Variants in SIK3 observed in about 807,000 individuals in gnomAD.
The protein encoded by SIK3 is serine/threonine-protein kinase SIK3.
In SIK3, 28 loss-of-function variants were observed where a neutral mutation model predicts 144.2. The observed-to-expected ratio is 0.19, with a 90% CI of 0.14 to 0.27. The LOEUF (loss-of-function observed/expected upper bound fraction) is 0.27, where lower values mean the gene tolerates loss of function less well. Ranked by LOEUF, SIK3 falls within the 10% of genes least tolerant of loss-of-function variation. The probability of loss-of-function intolerance (pLI) is 1.00; values close to 1 mark genes in which losing one functional copy is unlikely to be tolerated. For synonymous variants in SIK3, 686 were observed against 676.3 expected (o/e 1.01, Z -0.22); for missense variants, 1,319 against 1,776.0 (o/e 0.74, Z 4.62).
At chr11:117,033,729 GAAAAGAAAAGAAAAA>G (rs1358109876) in intron 1 of SIK3, among the ~76,000 whole-genome samples, 3 of 132,660 alleles carry the variant, frequency 2.3e-5, no homozygotes, top group Non-Finnish European at 4.9e-5. Context: ...AAAAAAGAAA[GAAAAGAAAAGAAAAA>G]AAAAGAAAAG....
chr11:116,896,396 G>A lies in SIK3; in HGVS notation c.742-20C>T, dbSNP rs776692958. On this transcript the variant is annotated intron_variant, in intron 5 of 24. Transcript: ENST00000445177. ...AAGGCTCTGCATCCCAAACAGAGAG[G>A]ATGTACAATTAATCACATCAGGGGA... is the stretch of plus-strand genomic sequence containing the variant. The A allele has an allele frequency of 1.9e-6, 3 of 1,611,118 alleles. No individual in the cohort carries two copies. Among genetic ancestry groups the A allele is most frequent in the African/African-American group, 1.3e-5 (1 of 74,874 alleles).
chr11:117,015,446 C>T (rs1951478639), intron 1 of SIK3, among the ~76,000 whole-genome samples: 1 of 152,112 alleles, frequency 6.6e-6, no homozygotes, highest in Non-Finnish European at 1.5e-5. Context: ...GAGTCTCGCT[C>T]TGTCACCCAG....
intron 4 of SIK3, among the ~76,000 whole-genome samples, chr11:116,921,000 T>A (rs1251623492): frequency 6.6e-6 from 1 of 152,222 alleles, no homozygotes; most frequent in Non-Finnish European, 1.5e-5. Context: ...TTAAGGATAC[T>A]ATCATCCAGC....
rs761357575 is a variant in SIK3 at position 116,858,297 on chromosome 11, T to TTGC, written c.3165_3167dup (p.Gln1061dup). 1.2e-6 allele frequency: 2 copies of TTGC among 1,612,094 alleles called. No individual in the cohort carries two copies. The highest frequency in any genetic ancestry group is 1.7e-5 in the Admixed American group (1 of 59,946). On this transcript the variant is annotated inframe_insertion, in exon 21 of 25. Coordinates refer to ENST00000445177, the MANE Select transcript of SIK3 (RefSeq NM_001366686.3). The surrounding 1 kb of genome is among the most constrained non-coding windows in gnomAD (Gnocchi z 5.4). ...CCTGGTATTCTTGCTGTTGCTGCTG[T>TTGC]TGCTGCTGCTGCTGCCGTTGTTGCT...
chr11:116,946,122 T>C (rs903814234), intron 3 of SIK3, among the ~76,000 whole-genome samples: 20 of 152,348 alleles, frequency 1.3e-4, no homozygotes, highest in Non-Finnish European at 1.9e-4. Flanking sequence ...GCTTTAGAGA[T>C]TGTTTTCCAT....
At chr11:116,936,932 T>G (rs1225462812) in intron 3 of SIK3, among the ~76,000 whole-genome samples, 1 of 152,218 alleles carries the variant, frequency 6.6e-6, no homozygotes. Context: ...CAGCTGAACT[T>G]TGGAATTCAA....
chr11:116,993,050 C>CTTTTATTTT (rs1565535329), intron 1 of SIK3, among the ~76,000 whole-genome samples: 2 of 151,924 alleles, frequency 1.3e-5, no homozygotes, highest in African/African-American at 4.8e-5. Flanking sequence ...TATTTTATTT[C>CTTTTATTTT]TACTTTTATT....
At chr11:117,023,891 C>G (rs1301382122) in intron 1 of SIK3, among the ~76,000 whole-genome samples, 1 of 151,920 alleles carries the variant, frequency 6.6e-6, no homozygotes. Flanking sequence ...GTTGGCCAGG[C>G]TGGTCTTGAA....
intron 19 of SIK3, 35 bp downstream of exon 19, chr11:116,861,238 TA>T: frequency 7.0e-7 from 1 of 1,433,630 alleles, no homozygotes; most frequent in Non-Finnish European, 9.7e-7. Context: ...CCATGTGGCA[TA>T]AAATGAACTG....
intron 1 of SIK3, among the ~76,000 whole-genome samples, chr11:117,077,788 C>G (rs554241129): frequency 1.3e-5 from 2 of 152,118 alleles, no homozygotes; most frequent in Non-Finnish European, 2.9e-5. Flanking sequence ...AGGGAAGAAC[C>G]CCTGTAAGTC....
At chr11:116,941,624 A>C (rs534043947) in intron 3 of SIK3, among the ~76,000 whole-genome samples, 2 of 152,314 alleles carry the variant, frequency 1.3e-5, no homozygotes, top group South Asian at 4.1e-4. Context: ...CTTTGTGAGA[A>C]GTTCAGGGTT....
chr11:116,960,776 T>G (rs1331110767), intron 1 of SIK3, among the ~76,000 whole-genome samples: 1 of 151,314 alleles, frequency 6.6e-6, no homozygotes, highest in Admixed American at 6.6e-5. Flanking sequence ...CTGATTAATA[T>G]AATGCCTGGC....
At chr11:117,033,380 T>C (rs894503857) in intron 1 of SIK3, among the ~76,000 whole-genome samples, 1 of 152,102 alleles carries the variant, frequency 6.6e-6, no homozygotes, top group African/African-American at 2.4e-5. Context: ...TAGGATAAAA[T>C]TATTACCCTC....
At chr11:116,893,286 G>A (rs1482389821) in intron 6 of SIK3, among the ~76,000 whole-genome samples, 1 of 152,096 alleles carries the variant, frequency 6.6e-6, no homozygotes, top group African/African-American at 2.4e-5. Flanking sequence ...TTATGACAGG[G>A]GTCAGCAGGG....
chr11:116,919,727 A>G (rs1339628352), intron 4 of SIK3, among the ~76,000 whole-genome samples: 1 of 152,168 alleles, frequency 6.6e-6, no homozygotes. Flanking sequence ...TACATTAACC[A>G]TTTTCAAAAC....
In SIK3 at chr11:116,858,868, A is replaced by C. The variant is rs1204487802; in HGVS notation, c.2766-169T>G. Among the ~76,000 whole-genome samples, 1 of 152,146 alleles carries C rather than the reference A, an allele frequency of 6.6e-6. No homozygotes were observed. Among genetic ancestry groups the C allele is most frequent in the African/African-American group, 2.4e-5 (1 of 41,422 alleles). ...TATTTATTCCATTACTGGCTTGTCC[A>C]GTAACCTCCAAGGGACTGAGGGCAC... On this transcript the variant is annotated intron_variant, in intron 20 of 24. Transcript: ENST00000445177. This position sits in a 1 kb window ranked among gnomAD's most constrained non-coding sequence, Gnocchi z 5.4.
chr11:117,068,621 C>G (rs1340133630), intron 1 of SIK3, among the ~76,000 whole-genome samples: 1 of 152,140 alleles, frequency 6.6e-6, no homozygotes, highest in African/African-American at 2.4e-5. Context: ...GTGGCGCATG[C>G]CTGTAGTCCC....
chr11:116,914,441 T>G (rs949652843), intron 4 of SIK3, among the ~76,000 whole-genome samples: 1 of 152,076 alleles, frequency 6.6e-6, no homozygotes, highest in Admixed American at 6.5e-5. Flanking sequence ...ACTCCTGACC[T>G]CAGGTAATCC....
At chr11:117,059,420 A>C (rs377722967) in intron 1 of SIK3, among the ~76,000 whole-genome samples, 1 of 112,800 alleles carries the variant, frequency 8.9e-6, no homozygotes, top group Admixed American at 8.6e-5. Context: ...CTATTTGTTT[A>C]GCCAAATAAT....
Sources: allele counts gnomAD v4.1 joint callset (sites outside exome capture counted in the v4.1 genomes callset), GRCh38; gene constraint gnomAD v4.1.1; non-coding constraint Gnocchi (gnomAD v3.1); transcripts MANE v1.5; gene names NCBI Gene and HGNC (gene_info 2026-07-23, HGNC 2026-07-21).